The following CELF2 variants were observed in gnomAD, a reference collection of about 807,000 sequenced individuals.
The protein encoded by CELF2 is CUG triplet repeat RNA-binding protein 2.
Under a neutral mutation model 62.6 loss-of-function variants are expected in CELF2, and 8 were observed. The observed-to-expected ratio is 0.13, with a 90% confidence interval of 0.07 to 0.23. CELF2 has a LOEUF of 0.23. Among genes scored for constraint, CELF2 ranks in the 10% least tolerant of loss-of-function variants. The pLI, the probability that CELF2 is intolerant of heterozygous loss-of-function variation, is 1.00. For synonymous variants in CELF2, 258 were observed against 250.0 expected (o/e 1.03, Z -0.30); for missense variants, 333 against 671.0 (o/e 0.50, Z 5.56).
At position 11,117,606 on chromosome 10, in the gene CELF2, G is replaced by A. The variant is rs564343154; in HGVS notation, c.75-47880G>A. Reference sequence around the variant, plus strand: ...TATTTATGATAAAAACAAAAACCACGTGTGTGATGGTATCATGACATGAAT... The same window carrying A: ...TATTTATGATAAAAACAAAAACCACATGTGTGATGGTATCATGACATGAAT... On this transcript the variant is annotated intron_variant, in intron 1 of 12. Coordinates refer to ENST00000633077, the MANE Select transcript of CELF2 (RefSeq NM_001326342.2). This position sits in a 1 kb window ranked among gnomAD's most constrained non-coding sequence, Gnocchi z 4.1. 7.9e-5 allele frequency among the ~76,000 whole-genome samples: 12 copies of A among 152,258 alleles called. No individual in the cohort carries two copies. The East Asian group carries it at 1.2e-3, about 15-fold the overall frequency.
At chr10:10,857,653 A>G (rs1405746603) in intron 1 of CELF2, among the ~76,000 whole-genome samples, 67 of 108,596 alleles carry the variant, frequency 6.2e-4, no homozygotes, top group South Asian at 3.0e-3. Flanking sequence ...TATATAGTAT[A>G]TATATATATA....
chr10:10,890,055 G>A (rs1177584885), intron 1 of CELF2, among the ~76,000 whole-genome samples: 1 of 152,126 alleles, frequency 6.6e-6, no homozygotes, highest in African/African-American at 2.4e-5. Flanking sequence ...ACAATGAGGA[G>A]GGGTTTTTTT....
chr10:11,186,224 A>G (rs1338860847), intron 2 of CELF2, among the ~76,000 whole-genome samples: 2 of 150,282 alleles, frequency 1.3e-5, no homozygotes, highest in African/African-American at 4.9e-5. Context: ...TTGTGCCTGC[A>G]TTCTTTTTTC....
chr10:10,763,665 A>C, the CELF2 span, among the ~76,000 whole-genome samples: 2 of 152,232 alleles, frequency 1.3e-5, no homozygotes, highest in African/African-American at 4.8e-5. Context: ...TGTTTGAAAC[A>C]GAATGAGGCA....
the CELF2 span, among the ~76,000 whole-genome samples, chr10:10,493,560 C>G: frequency 6.8e-6 from 1 of 146,988 alleles, no homozygotes. Context: ...GAGATGGAGT[C>G]TCACTCTGTT....
chr10:10,877,488 A>G (rs559515872), intron 1 of CELF2, among the ~76,000 whole-genome samples: 2 of 152,364 alleles, frequency 1.3e-5, no homozygotes, highest in African/African-American at 4.8e-5. Context: ...TGAGTTTCTG[A>G]CTAGCCTCTC....
the CELF2 span, among the ~76,000 whole-genome samples, chr10:10,589,158 G>A: frequency 1.3e-5 from 2 of 152,104 alleles, no homozygotes; most frequent in Non-Finnish European, 2.9e-5. Flanking sequence ...ACTGGAAGTG[G>A]GGGCTTCCAG....
Position 10,976,645 on chromosome 10 carries a change from C to T in CELF2, c.89+56646C>T, listed in dbSNP as rs543124841. On this transcript the variant is annotated intron_variant, in intron 2 of 13. Coordinates refer to the CELF2 transcript ENST00000636488. ...AGGTTCCTAATCAGTTAAAATGATA[C>T]GATGCACCTAACAAGGCTTTGGAAA... 1.8e-4 allele frequency among the ~76,000 whole-genome samples: 28 copies of T among 152,158 alleles called. 1 individual carries two copies. Among genetic ancestry groups the T allele is most frequent in the South Asian group, 1.5e-3 (7 of 4,804 alleles).
upstream of CELF2, among the ~76,000 whole-genome samples, chr10:11,001,656 T>A (rs1232181182): frequency 6.6e-6 from 1 of 152,226 alleles, no homozygotes; most frequent in Non-Finnish European, 1.5e-5. Flanking sequence ...ACTTTTCTAG[T>A]TTTTTTCTTC....
rs1419184420 is a variant in CELF2 at position 10,987,471 on chromosome 10, G to A, written c.89+67472G>A. On this transcript the variant is annotated intron_variant, in intron 2 of 13. Transcript: ENST00000636488. ...AATGTTTCCTAAACTTTAAAATATC[G>A]AGATATATTGTTTGCTTTTTAACTT... 3.3e-5 allele frequency among the ~76,000 whole-genome samples: 5 copies of A among 151,862 alleles called. No homozygotes were observed. In the East Asian group the frequency reaches 5.8e-4, roughly 18 times the overall value.
At chr10:11,289,651 T>C (rs572098043) in intron 9 of CELF2, among the ~76,000 whole-genome samples, 1 of 152,304 alleles carries the variant, frequency 6.6e-6, no homozygotes, top group African/African-American at 2.4e-5. Context: ...GGCAGGTGTA[T>C]TGACTTCACT....
the CELF2 span, among the ~76,000 whole-genome samples, chr10:10,722,470 G>T: frequency 6.6e-6 from 1 of 151,950 alleles, no homozygotes; most frequent in African/African-American, 2.4e-5. Flanking sequence ...TTCCCTAAAA[G>T]AAATTAAATA....
chr10:11,144,479 C>G (rs1242736828), intron 1 of CELF2, among the ~76,000 whole-genome samples: 1 of 151,998 alleles, frequency 6.6e-6, no homozygotes, highest in South Asian at 2.1e-4. Flanking sequence ...TTTAACTTGG[C>G]TCTCCCATGC....
rs188631602 is a variant in CELF2, at chr10:11,331,758, G to A, written c.*2705G>A. On this transcript the variant is annotated 3_prime_UTR_variant, in exon 13 of 13. Coordinates refer to ENST00000633077, the MANE Select transcript of CELF2 (RefSeq NM_001326342.2). Reference sequence around the variant, plus strand: ...CATGTCCCACTTTTTTAACCACTCCGCACATCAGTGCTGTGAAGGCAACCT... The same window carrying A: ...CATGTCCCACTTTTTTAACCACTCCACACATCAGTGCTGTGAAGGCAACCT... The A allele has an allele frequency of 8.0e-4, 122 of 152,636 alleles. No homozygotes were observed. Among genetic ancestry groups the A allele is most frequent in the African/African-American group, 2.5e-3 (104 of 41,522 alleles). The allele number at this position is 152,636 out of a possible 1,614,324, so 9.5% of individuals were successfully genotyped here.
chr10:10,902,381 G>A (rs1024031159), intron 1 of CELF2, among the ~76,000 whole-genome samples: 1 of 152,178 alleles, frequency 6.6e-6, no homozygotes, highest in Non-Finnish European at 1.5e-5. Context: ...AGGCCCCATG[G>A]TCTACTCATA....
rs2065451991 is a variant in CELF2 at position 11,223,296 on chromosome 10, C to G, written c.354+5789C>G. Among the ~76,000 whole-genome samples the G allele has an allele frequency of 1.3e-5, 2 of 152,256 alleles. No individual in the cohort carries two copies. Among genetic ancestry groups the G allele is most frequent in the South Asian group, 4.1e-4 (2 of 4,838 alleles). ...AAACATGCCTCAAAAGGCACTGTGT[C>G]TGCCTCCTCATTTGTGTAGGTGTGA... On this transcript the variant is annotated intron_variant, in intron 3 of 12. Coordinates refer to ENST00000633077, the MANE Select transcript of CELF2 (RefSeq NM_001326342.2). This position sits in a 1 kb window ranked among gnomAD's most constrained non-coding sequence, Gnocchi z 5.1.
the CELF2 span, among the ~76,000 whole-genome samples, chr10:10,762,015 C>T: frequency 6.6e-6 from 1 of 150,582 alleles, no homozygotes; most frequent in Non-Finnish European, 1.5e-5. Context: ...CTGACGTAGA[C>T]TAAAAGTATT....
intron 2 of CELF2, among the ~76,000 whole-genome samples, chr10:10,982,786 G>A (rs201100): frequency 0.7 from 106,410 of 152,106 alleles, 38,920 homozygotes; most frequent in African/African-American, 0.91. Flanking sequence ...TAATTTATCA[G>A]GCACTTGCCA....
chr10:10,546,228 T>C, the CELF2 span, among the ~76,000 whole-genome samples: 1 of 152,224 alleles, frequency 6.6e-6, no homozygotes, highest in Non-Finnish European at 1.5e-5. Context: ...ACTGTGTGTG[T>C]GATGTTAATT....
Sources: allele counts gnomAD v4.1 joint callset (sites outside exome capture counted in the v4.1 genomes callset), GRCh38; gene constraint gnomAD v4.1.1; non-coding constraint Gnocchi (gnomAD v3.1); transcripts MANE v1.5; gene names NCBI Gene and HGNC (gene_info 2026-07-23, HGNC 2026-07-21).